Variants in ABHD12 observed in about 807,000 individuals in gnomAD.
ABHD12 encodes lysophosphatidylserine lipase ABHD12.
In ABHD12, 43 loss-of-function variants were observed where a neutral mutation model predicts 58.3. The ratio of observed to expected loss-of-function variants is 0.74; its 90% CI spans 0.58 to 0.95. ABHD12 has a LOEUF of 0.95. Among genes scored for constraint, ABHD12 ranks in the 40% least tolerant of loss-of-function variants. The probability of loss-of-function intolerance (pLI) is 0.00; values close to 1 mark genes in which losing one functional copy is unlikely to be tolerated. For synonymous variants in ABHD12, 219 were observed against 211.2 expected, an observed-to-expected ratio of 1.04 and a Z score of -0.32; for missense variants, 539 against 537.2, an observed-to-expected ratio of 1.00 and a Z score of -0.03.
chr20:25,295,367 G>A (rs563082115), downstream of ABHD12, among the ~76,000 whole-genome samples: 2 of 152,388 alleles, frequency 1.3e-5, no homozygotes, highest in Admixed American at 1.3e-4. Context: ...GGAGTGTTGG[G>A]TTGAAATAAG....
At chr20:25,310,073 C>T (rs1400314426) in intron 6 of ABHD12, 1 of 165,458 alleles carries the variant, frequency 6.0e-6, no homozygotes, top group Non-Finnish European at 1.3e-5. Flanking sequence ...CCACCACCAT[C>T]CTCAGCTCTA....
intron 6 of ABHD12, 43 bp from the exon 7 acceptor site, chr20:25,309,618 C>T: frequency 6.2e-7 from 1 of 1,612,002 alleles, no homozygotes; most frequent in Non-Finnish European, 8.5e-7. Flanking sequence ...AAAGGCAGCT[C>T]ACAAAACCTG....
At chr20:25,312,131 C>A (rs1282596921) in intron 6 of ABHD12, among the ~76,000 whole-genome samples, 1 of 152,088 alleles carries the variant, frequency 6.6e-6, no homozygotes, top group Non-Finnish European at 1.5e-5. Context: ...CCAGCCTGGG[C>A]AACATGGCGA....
chr20:25,360,681 A>G (rs2482938), intron 1 of ABHD12, among the ~76,000 whole-genome samples: 128,374 of 152,036 alleles, frequency 0.84, 54,488 homozygotes, highest in African/African-American at 0.92. Context: ...CCAATACCAC[A>G]TTAGAAGCTG....
chr20:25,322,473 G>A (rs1008993841), intron 3 of ABHD12, among the ~76,000 whole-genome samples: 1 of 146,770 alleles, frequency 6.8e-6, no homozygotes, highest in African/African-American at 2.5e-5. Flanking sequence ...TCTGCCTCCT[G>A]CGTTCAAGCA....
chr20:25,302,312 C>T lies in ABHD12; in HGVS notation c.1064G>A (p.Arg355Gln), dbSNP rs376953929. ...YSIAAPARSF[R>Q]DFKVQFVPFH... ...GGGCACAAACTGAACTTTGAAATCTCGGAAGCTTCGAGCTGGTGCGGCGAT... is the reference window on the plus strand; with the variant it reads ...GGGCACAAACTGAACTTTGAAATCTTGGAAGCTTCGAGCTGGTGCGGCGAT... The change falls in exon 12 of 13, where the codon CGA (arginine) becomes CAA (glutamine). Residue 355 changes from arginine (R) to glutamine (Q), a missense_variant. Coordinates refer to ENST00000339157, the MANE Select transcript of ABHD12 (RefSeq NM_001042472.3). The T allele has an allele frequency of 1.4e-4, 223 of 1,613,596 alleles. No individual in the cohort carries two copies. The highest frequency in any genetic ancestry group is 1.8e-4 in the Non-Finnish European group (214 of 1,180,000).
At chr20:25,364,028 G>GC (rs2089787513) in intron 1 of ABHD12, among the ~76,000 whole-genome samples, 1 of 152,144 alleles carries the variant, frequency 6.6e-6, no homozygotes, top group African/African-American at 2.4e-5. Flanking sequence ...GGCTCCTTGT[G>GC]CTGAGAATGG....
chr20:25,337,884 C>T (rs888667042), intron 2 of ABHD12, among the ~76,000 whole-genome samples: 2 of 152,182 alleles, frequency 1.3e-5, no homozygotes, highest in Non-Finnish European at 2.9e-5. Context: ...AGTGACAAAA[C>T]TTAGAGATGA....
intron 4 of ABHD12, among the ~76,000 whole-genome samples, chr20:25,319,786 G>A (rs544990470): frequency 7.4e-4 from 112 of 152,296 alleles, no homozygotes; most frequent in Middle Eastern, 3.4e-3. Flanking sequence ...CAGATGCTGT[G>A]ACCTTTGAGA....
chr20:25,323,635 C>T (rs529927688), intron 2 of ABHD12, among the ~76,000 whole-genome samples: 1 of 152,350 alleles, frequency 6.6e-6, no homozygotes, highest in South Asian at 2.1e-4. Context: ...GCCAGACCTG[C>T]AGGCCCAGCC....
At chr20:25,344,076 T>C (rs1214442077) in intron 1 of ABHD12, among the ~76,000 whole-genome samples, 1 of 152,098 alleles carries the variant, frequency 6.6e-6, no homozygotes, top group African/African-American at 2.4e-5. Context: ...CAACCATTCA[T>C]GATTAAAAAG....
chr20:25,326,346 T>C (rs1360204335), intron 2 of ABHD12, among the ~76,000 whole-genome samples: 1 of 152,230 alleles, frequency 6.6e-6, no homozygotes, highest in Non-Finnish European at 1.5e-5. Flanking sequence ...AAAAGCCCCG[T>C]GGGTAAAACT....
At chr20:25,309,271 T>G (rs1322055650) in intron 7 of ABHD12, among the ~76,000 whole-genome samples, 175 bp downstream of exon 7, 1 of 152,198 alleles carries the variant, frequency 6.6e-6, no homozygotes, top group African/African-American at 2.4e-5. Context: ...CTCAGATCCT[T>G]TGGAGTCTCT....
intron 1 of ABHD12, among the ~76,000 whole-genome samples, chr20:25,371,733 A>T (rs1340870951): frequency 6.6e-6 from 1 of 152,196 alleles, no homozygotes; most frequent in Non-Finnish European, 1.5e-5. Flanking sequence ...ACAGTAAAAA[A>T]GTAGTCCAAA....
At chr20:25,369,927 T>TAAAAAAAAAAAAA (rs3032443) in intron 1 of ABHD12, among the ~76,000 whole-genome samples, 1 of 91,440 alleles carries the variant, frequency 1.1e-5, no homozygotes, top group Non-Finnish European at 2.1e-5. Context: ...GTCTCTGTTA[T>TAAAAAAAAAAAAA]AAAAAAAAAA....
chr20:25,344,252 C>A (rs2089490623), intron 1 of ABHD12, among the ~76,000 whole-genome samples: 1 of 152,100 alleles, frequency 6.6e-6, no homozygotes, highest in African/African-American at 2.4e-5. Flanking sequence ...GGTATAGAGA[C>A]CCGGGAAGGA....
chr20:25,326,246 G>A (rs960719923), intron 2 of ABHD12, among the ~76,000 whole-genome samples: 3 of 152,102 alleles, frequency 2.0e-5, no homozygotes, highest in African/African-American at 7.2e-5. Context: ...TCTGCAACAG[G>A]AAACAATTGA....
At chr20:25,348,194 A>G (rs1292969012) in intron 1 of ABHD12, among the ~76,000 whole-genome samples, 1 of 151,812 alleles carries the variant, frequency 6.6e-6, no homozygotes, top group African/African-American at 2.4e-5. Context: ...TGGGCAACAG[A>G]GCAAGACTCT....
At chr20:25,316,955 T>C in intron 5 of ABHD12, 93 bp downstream of exon 5, 1 of 1,172,186 alleles carries the variant, frequency 8.5e-7, no homozygotes, top group Non-Finnish European at 1.3e-6. Context: ...CCAGCAATAG[T>C]TAACTCTCAA....
Sources: allele counts gnomAD v4.1 joint callset (sites outside exome capture counted in the v4.1 genomes callset), GRCh38; gene constraint gnomAD v4.1.1; transcripts MANE v1.5; gene names NCBI Gene and HGNC (gene_info 2026-07-23, HGNC 2026-07-21).